Variants in TTC28 observed in about 807,000 individuals in gnomAD.
The protein encoded by TTC28 is tetratricopeptide repeat protein 28.
In TTC28, 61 loss-of-function variants were observed where a neutral mutation model predicts 198.0. The ratio of observed to expected loss-of-function variants is 0.31; its 90% confidence interval spans 0.25 to 0.38. The LOEUF is 0.38. Among genes scored for constraint, TTC28 ranks in the 10% least tolerant of loss-of-function variants. The probability of loss-of-function intolerance (pLI) is 1.00; values close to 1 mark genes in which losing one functional copy is unlikely to be tolerated. For synonymous variants in TTC28, 1,171 were observed against 1,297.8 expected, an observed-to-expected ratio of 0.90 and a Z score of 2.10; for missense variants, 2,678 against 3,164.0, an observed-to-expected ratio of 0.85 and a Z score of 3.69.
intron 2 of TTC28, among the ~76,000 whole-genome samples, chr22:28,372,212 G>GCTA (rs1205076223): frequency 6.6e-6 from 1 of 152,156 alleles, no homozygotes; most frequent in African/African-American, 2.4e-5. Context: ...CTTCTGAACA[G>GCTA]CTACTACTAA....
intron 2 of TTC28, among the ~76,000 whole-genome samples, chr22:28,606,928 G>T (rs146920477): frequency 1.3e-5 from 2 of 152,032 alleles, no homozygotes; most frequent in African/African-American, 4.8e-5. Flanking sequence ...CCAAAATGTC[G>T]CACCTAGGCA....
intron 2 of TTC28, among the ~76,000 whole-genome samples, chr22:28,535,924 A>G (rs1462951699): frequency 6.6e-6 from 1 of 152,056 alleles, no homozygotes; most frequent in Non-Finnish European, 1.5e-5. Context: ...TAAAAAAAAG[A>G]CCTAGGCCAG....
At chr22:28,261,928 T>A (rs761726435) in intron 5 of TTC28, among the ~76,000 whole-genome samples, 10 of 152,164 alleles carry the variant, frequency 6.6e-5, no homozygotes, top group Admixed American at 6.6e-5. Context: ...CTGGCCTAGA[T>A]GACTTGAGAT....
intron 5 of TTC28, among the ~76,000 whole-genome samples, chr22:28,210,139 T>G (rs1248981710): frequency 6.6e-6 from 1 of 152,058 alleles, no homozygotes; most frequent in Non-Finnish European, 1.5e-5. Context: ...CATCTATATG[T>G]CACCATCACC....
chr22:28,551,136 T>C (rs1458355561), intron 2 of TTC28, among the ~76,000 whole-genome samples: 5 of 151,960 alleles, frequency 3.3e-5, no homozygotes, highest in African/African-American at 7.3e-5. Context: ...CTCCAGGAGA[T>C]TGATAAATTC....
chr22:28,048,053 G>A (rs981821692), intron 12 of TTC28, among the ~76,000 whole-genome samples: 5 of 151,754 alleles, frequency 3.3e-5, no homozygotes, highest in Non-Finnish European at 7.4e-5. Flanking sequence ...AGGACTCTGG[G>A]GCACGTAGCC....
intron 14 of TTC28, chr22:28,002,225 T>A (rs991976613): frequency 1.3e-5 from 2 of 152,728 alleles, no homozygotes; most frequent in Non-Finnish European, 2.9e-5. Context: ...AGAACAAGGC[T>A]AAGGGCGCGG....
intron 8 of TTC28, among the ~76,000 whole-genome samples, chr22:28,104,282 A>G (rs1463049053): frequency 1.3e-5 from 2 of 152,170 alleles, no homozygotes; most frequent in African/African-American, 2.4e-5. Context: ...CTCCTTGACT[A>G]ACTGACTACA....
chr22:28,368,012 CT>C (rs1015277486), intron 2 of TTC28, among the ~76,000 whole-genome samples: 2 of 151,958 alleles, frequency 1.3e-5, no homozygotes, highest in African/African-American at 2.4e-5. Context: ...CCAAATCAAA[CT>C]GTTCCTAAAA....
chr22:28,580,606 A>T (rs572868640), intron 2 of TTC28, among the ~76,000 whole-genome samples: 47 of 152,332 alleles, frequency 3.1e-4, no homozygotes, highest in African/African-American at 1.1e-3. Context: ...TTACTAGAGA[A>T]ATTATAAAAA....
At chr22:28,658,581 A>T (rs1478972752) in intron 1 of TTC28, among the ~76,000 whole-genome samples, 1 of 152,228 alleles carries the variant, frequency 6.6e-6, no homozygotes, top group Non-Finnish European at 1.5e-5. Context: ...TCACTTTTAC[A>T]AGATGAAGAG....
chr22:28,062,807 A>G (rs938020322), intron 12 of TTC28, among the ~76,000 whole-genome samples: 2 of 152,114 alleles, frequency 1.3e-5, no homozygotes, highest in African/African-American at 4.8e-5. Flanking sequence ...AATGCCTTAT[A>G]TTTTTATTCA....
At chr22:28,267,146 T>C (rs1601552799) in intron 5 of TTC28, among the ~76,000 whole-genome samples, 2 of 152,284 alleles carry the variant, frequency 1.3e-5, no homozygotes, top group Non-Finnish European at 1.5e-5. Context: ...TAGTAGTGTA[T>C]TGTACTACAC....
chr22:28,126,939 T>C (rs1433485538), intron 6 of TTC28, among the ~76,000 whole-genome samples: 4 of 152,224 alleles, frequency 2.6e-5, no homozygotes, highest in African/African-American at 9.6e-5. Flanking sequence ...TTTAGCTTGC[T>C]CATGCTGGCC....
intron 6 of TTC28, among the ~76,000 whole-genome samples, chr22:28,160,356 A>AT (rs1921028098): frequency 1.3e-5 from 2 of 152,188 alleles, no homozygotes; most frequent in Admixed American, 6.5e-5. Flanking sequence ...ACCCACAGAA[A>AT]TTTTTTTAAA....
rs548419787 is a variant in TTC28, at chr22:28,565,718, C to CA, written c.381+63833dup. ...CTGAAATCATTTTTAAAAGAGATGACAAAATTTTTCCTGCTATATAATGAA... is the reference window on the plus strand; with the variant it reads ...CTGAAATCATTTTTAAAAGAGATGACAAAAATTTTTCCTGCTATATAATGAA... On this transcript the variant is annotated intron_variant, in intron 2 of 22. Coordinates refer to ENST00000397906, the MANE Select transcript of TTC28 (RefSeq NM_001145418.2). 2.6e-4 allele frequency among the ~76,000 whole-genome samples: 39 copies of CA among 152,168 alleles called. No homozygotes were observed. In the East Asian group the frequency reaches 7.1e-3, roughly 28 times the overall value.
intron 2 of TTC28, among the ~76,000 whole-genome samples, chr22:28,454,142 C>T (rs931341836): frequency 1.3e-5 from 2 of 152,046 alleles, no homozygotes; most frequent in Admixed American, 6.6e-5. Flanking sequence ...AAAATTAACC[C>T]GCCCCCCTAC....
At chr22:28,003,259 G>C (rs1937789115) in intron 14 of TTC28, among the ~76,000 whole-genome samples, 1 of 152,148 alleles carries the variant, frequency 6.6e-6, no homozygotes, top group African/African-American at 2.4e-5. Flanking sequence ...CCACACCGTG[G>C]AGGTGTGCCA....
At chr22:28,245,865 G>A (rs1029789592) in intron 5 of TTC28, among the ~76,000 whole-genome samples, 14 of 152,080 alleles carry the variant, frequency 9.2e-5, no homozygotes, top group South Asian at 2.1e-4. Context: ...CCCCCTATAC[G>A]AACTTTTCAC....
Sources: allele counts gnomAD v4.1 joint callset (sites outside exome capture counted in the v4.1 genomes callset), GRCh38; gene constraint gnomAD v4.1.1; transcripts MANE v1.5; gene names NCBI Gene and HGNC (gene_info 2026-07-23, HGNC 2026-07-21).